Variants in ATG14 observed in about 807,000 individuals in gnomAD.
ATG14 encodes beclin 1-associated autophagy-related key regulator.
In ATG14, 35 loss-of-function variants were observed where a neutral mutation model predicts 60.4. The ratio of observed to expected loss-of-function variants is 0.58; its 90% CI spans 0.44 to 0.77. The LOEUF is 0.77. Among genes scored for constraint, ATG14 ranks in the 30% least tolerant of loss-of-function variants. ATG14 has a pLI of 0.00. For synonymous variants in ATG14, 234 were observed against 228.8 expected, an observed-to-expected ratio of 1.02 and a Z score of -0.21; for missense variants, 647 against 626.3, an observed-to-expected ratio of 1.03 and a Z score of -0.35.
chr14:55,376,120 G>T (rs1884915544), intron 9 of ATG14, among the ~76,000 whole-genome samples: 1 of 152,180 alleles, frequency 6.6e-6, no homozygotes, highest in South Asian at 2.1e-4. Flanking sequence ...TCAGCCAGGT[G>T]TGCACTGAGA....
rs529553307 is a variant in ATG14 at position 55,367,800 on chromosome 14, A to T, written c.*1819T>A. 6.6e-6 allele frequency: 1 copy of T among 152,174 alleles called. No individual in the cohort carries two copies. The highest frequency in any genetic ancestry group is 2.4e-5 in the African/African-American group (1 of 41,446). The allele number at this position is 152,174 out of a possible 1,614,324, so 9.4% of individuals were successfully genotyped here. On this transcript the variant is annotated 3_prime_UTR_variant, in exon 10 of 10. Coordinates refer to ENST00000247178, the MANE Select transcript of ATG14 (RefSeq NM_014924.5). Reference sequence around the variant, plus strand: ...AAGCCTACTTCCTCCTTTCATGGAAAATTCATAGAGCCAAGGAATTTGTGA... The same window carrying T: ...AAGCCTACTTCCTCCTTTCATGGAATATTCATAGAGCCAAGGAATTTGTGA...
chr14:55,378,415 G>A (rs994292289), intron 7 of ATG14, among the ~76,000 whole-genome samples: 4 of 152,170 alleles, frequency 2.6e-5, no homozygotes. Flanking sequence ...TTACAGAAAG[G>A]CAAACTATAC....
intron 3 of ATG14, among the ~76,000 whole-genome samples, chr14:55,393,822 T>G (rs547909759): frequency 6.6e-6 from 1 of 152,194 alleles, no homozygotes; most frequent in South Asian, 2.1e-4. Flanking sequence ...GTGCTGGGAT[T>G]ACAGGGCATC....
intron 3 of ATG14, chr14:55,395,300 C>A: frequency 3.6e-6 from 1 of 278,222 alleles, no homozygotes; most frequent in Non-Finnish European, 7.3e-6. Context: ...CTCAGCAAAG[C>A]CGGGCTGCCT....
rs113865032 is a variant in ATG14, at chr14:55,391,880, A to G, written c.328-888T>C. 1.2e-3 allele frequency among the ~76,000 whole-genome samples: 182 copies of G among 152,332 alleles called. 1 individual carries two copies. Among genetic ancestry groups the G allele is most frequent in the African/African-American group, 4.2e-3 (176 of 41,570 alleles). ...CAAGTTAATAAAAATGGCAAAAAAC[A>G]TTATTTTTTCAGTGCATAACTCAAG... On this transcript the variant is annotated intron_variant, in intron 3 of 9. Transcript: ENST00000247178.
intron 2 of ATG14, among the ~76,000 whole-genome samples, chr14:55,396,732 A>G (rs1885319816): frequency 6.6e-6 from 1 of 152,198 alleles, no homozygotes; most frequent in South Asian, 2.1e-4. Flanking sequence ...GCAAACCTCT[A>G]GGGTGCATCT....
At chr14:55,375,639 T>G (rs973436706) in intron 9 of ATG14, among the ~76,000 whole-genome samples, 1 of 152,080 alleles carries the variant, frequency 6.6e-6, no homozygotes, top group South Asian at 2.1e-4. Context: ...CCACCATGCC[T>G]GGTTTGAACT....
chr14:55,375,879 TA>T (rs1884908917), intron 9 of ATG14, among the ~76,000 whole-genome samples: 1 of 152,236 alleles, frequency 6.6e-6, no homozygotes. Context: ...TCTATGTAAG[TA>T]ACGTGCCATG....
At position 55,369,243 on chromosome 14, in the gene ATG14, G is replaced by C. The variant is rs41307104; in HGVS notation, c.*376C>G. The C allele has an allele frequency of 0.01, 1,667 of 164,614 alleles. 18 individuals are homozygous for C. Among genetic ancestry groups the C allele is most frequent in the Non-Finnish European group, 0.014 (1,048 of 76,476 alleles). 10.2% of individuals were successfully genotyped at this position (164,614 alleles called of 1,614,324 possible). The stretch of plus-strand genomic sequence containing the variant: ...CAACCTCTAAAACTTAAAGTGTCAG[G>C]AACAGTCTCAGCACCGCAAGGACCA... On this transcript the variant is annotated 3_prime_UTR_variant, in exon 10 of 10. Transcript: ENST00000247178.
At chr14:55,411,425 C>G (rs973152187) in intron 1 of ATG14, among the ~76,000 whole-genome samples, 177 bp downstream of exon 1, 1 of 152,198 alleles carries the variant, frequency 6.6e-6, no homozygotes, top group African/African-American at 2.4e-5. Flanking sequence ...TCATCTGGCC[C>G]CTACGCTGTC....
Position 55,369,735 on chromosome 14 carries a change from G to C in ATG14, c.1363C>G (p.Gln455Glu). ...DIPSQSVEVSQSQSTQASPPI... is the reference protein window; with the variant it reads ...DIPSQSVEVSESQSTQASPPI... ...GGGGACGCCTGGGTGCTCTGACTCT[G>C]GGAGACTTCCACAGACTGGGAAGGG... The change falls in exon 10 of 10, where the codon CAG (glutamine) becomes GAG (glutamate). Residue 455 changes from glutamine (Q) to glutamate (E), a missense_variant. Transcript: ENST00000247178. The C allele has an allele frequency of 6.2e-7, 1 of 1,613,862 alleles. No individual in the cohort carries two copies. The highest frequency in any genetic ancestry group is 1.3e-5 in the African/African-American group (1 of 75,060).
At chr14:55,400,848 G>A (rs990521510) in intron 1 of ATG14, among the ~76,000 whole-genome samples, 3 of 151,890 alleles carry the variant, frequency 2.0e-5, no homozygotes, top group Non-Finnish European at 2.9e-5. Context: ...AGGTTGCAGT[G>A]AGCTGAGATT....
At chr14:55,383,794 A>G (rs1331432997) in intron 5 of ATG14, among the ~76,000 whole-genome samples, 1 of 152,142 alleles carries the variant, frequency 6.6e-6, no homozygotes, top group African/African-American at 2.4e-5. Context: ...ATGAGAAGTC[A>G]CAGCAGGTAC....
chr14:55,393,251 G>T (rs555117633), intron 3 of ATG14, among the ~76,000 whole-genome samples: 1 of 152,090 alleles, frequency 6.6e-6, no homozygotes, highest in Non-Finnish European at 1.5e-5. Flanking sequence ...CGGGCGTGGT[G>T]GTGGGCGCCT....
At chr14:55,403,705 C>A (rs1885447175) in intron 1 of ATG14, among the ~76,000 whole-genome samples, 1 of 151,988 alleles carries the variant, frequency 6.6e-6, no homozygotes, top group South Asian at 2.1e-4. Flanking sequence ...AACGAACCAG[C>A]AAAATAGTAT....
At chr14:55,395,178 C>T (rs1594782738) in intron 3 of ATG14, 1 of 442,410 alleles carries the variant, frequency 2.3e-6, no homozygotes, top group East Asian at 6.9e-5. Flanking sequence ...TGCCGATCTC[C>T]TCTTGGGCTC....
intron 9 of ATG14, among the ~76,000 whole-genome samples, chr14:55,370,573 G>C (rs1884791080): frequency 6.6e-6 from 1 of 151,394 alleles, no homozygotes; most frequent in Non-Finnish European, 1.5e-5. Context: ...CCCTTTCTTA[G>C]GCCTCATCCT....
At chr14:55,394,043 G>A (rs1885270501) in intron 3 of ATG14, among the ~76,000 whole-genome samples, 1 of 134,322 alleles carries the variant, frequency 7.4e-6, no homozygotes, top group South Asian at 2.3e-4. Flanking sequence ...GTGTTGCTCT[G>A]TCGCCCAGGC....
At chr14:55,383,687 T>G (rs1199745368) in intron 5 of ATG14, among the ~76,000 whole-genome samples, 1 of 151,736 alleles carries the variant, frequency 6.6e-6, no homozygotes, top group Non-Finnish European at 1.5e-5. Flanking sequence ...GTGGACTGCT[T>G]GAGCTCACGA....
Sources: allele counts gnomAD v4.1 joint callset (sites outside exome capture counted in the v4.1 genomes callset), GRCh38; gene constraint gnomAD v4.1.1; transcripts MANE v1.5; gene names NCBI Gene and HGNC (gene_info 2026-07-23, HGNC 2026-07-21).